Variants in CTNNA3 observed in about 807,000 individuals in gnomAD.
CTNNA3 encodes catenin alpha 3, also known as catenin alpha-3.
A neutral mutation model predicts 95.7 loss-of-function variants in CTNNA3; 76 were observed. That is an observed-to-expected ratio of 0.79 (90% CI 0.66 to 0.96). CTNNA3 has a LOEUF of 0.96. CTNNA3 is among the 40% of genes least tolerant of loss of function. CTNNA3 has a pLI of 0.00. For missense variants in CTNNA3, 1,191 were observed against 1,089.8 expected, an observed-to-expected ratio of 1.09 and a Z score of -1.31; for synonymous variants, 431 against 374.4, an observed-to-expected ratio of 1.15 and a Z score of -1.74.
chr10:66,262,974 G>A (rs1310567430), intron 13 of CTNNA3, among the ~76,000 whole-genome samples: 1 of 151,894 alleles, frequency 6.6e-6, no homozygotes, highest in African/African-American at 2.4e-5. Context: ...GACCGTGGGT[G>A]AATCTGTTTA....
At chr10:66,120,160 C>A (rs1442103509) in intron 13 of CTNNA3, among the ~76,000 whole-genome samples, 1 of 152,000 alleles carries the variant, frequency 6.6e-6, no homozygotes, top group Non-Finnish European at 1.5e-5. Flanking sequence ...TAAGTTGATA[C>A]CATGCACATT....
chr10:67,427,248 A>C (rs1365336843), intron 5 of CTNNA3, among the ~76,000 whole-genome samples: 1 of 151,822 alleles, frequency 6.6e-6, no homozygotes, highest in Non-Finnish European at 1.5e-5. Context: ...AACAGTCCTC[A>C]CTCCCAAGAG....
intron 7 of CTNNA3, among the ~76,000 whole-genome samples, chr10:67,020,884 A>G (rs947758489): frequency 4.6e-5 from 7 of 152,134 alleles, no homozygotes; most frequent in African/African-American, 1.4e-4. Context: ...AGAGGAAAAT[A>G]AGGGGCCTCA....
intron 3 of CTNNA3, among the ~76,000 whole-genome samples, chr10:67,582,045 G>A (rs1314674057): frequency 1.3e-5 from 2 of 150,724 alleles, no homozygotes; most frequent in Non-Finnish European, 3.0e-5. Flanking sequence ...AGGGTTTTTT[G>A]TGTCTCTATT....
chr10:66,560,496 C>T (rs1329213688), intron 10 of CTNNA3, among the ~76,000 whole-genome samples: 2 of 151,992 alleles, frequency 1.3e-5, no homozygotes, highest in African/African-American at 2.4e-5. Context: ...GGTGTTGCAA[C>T]ACAGGTATCA....
intron 5 of CTNNA3, among the ~76,000 whole-genome samples, chr10:67,256,299 A>C (rs181275018): frequency 1.3e-5 from 2 of 152,296 alleles, no homozygotes; most frequent in Admixed American, 1.3e-4. Flanking sequence ...TAGTGAAGCA[A>C]TGTCTTATTA....
intron 3 of CTNNA3, among the ~76,000 whole-genome samples, chr10:67,540,651 T>A (rs377088988): frequency 6.6e-6 from 1 of 152,098 alleles, no homozygotes; most frequent in African/African-American, 2.4e-5. Flanking sequence ...TATATTCATA[T>A]ACATTCATAT....
chr10:67,296,965 G>GTTCAGTGC (rs1840064332), intron 5 of CTNNA3, among the ~76,000 whole-genome samples: 1 of 106,866 alleles, frequency 9.4e-6, no homozygotes, highest in South Asian at 3.6e-4. Context: ...AAAAAAAAGA[G>GTTCAGTGC]TTCAGTGCTG....
chr10:67,120,883 G>A (rs1198665808), intron 7 of CTNNA3, among the ~76,000 whole-genome samples: 1 of 152,038 alleles, frequency 6.6e-6, no homozygotes, highest in Non-Finnish European at 1.5e-5. Flanking sequence ...AAGGTGAGTT[G>A]CAATATTGTA....
chr10:66,515,520 C>A (rs1426723921), intron 11 of CTNNA3, among the ~76,000 whole-genome samples: 2 of 152,052 alleles, frequency 1.3e-5, no homozygotes, highest in Non-Finnish European at 2.9e-5. Context: ...TCTCTGAATA[C>A]AAAACAACAT....
chr10:67,379,526 A>G (rs1367558055), intron 5 of CTNNA3, among the ~76,000 whole-genome samples: 4 of 152,086 alleles, frequency 2.6e-5, no homozygotes, highest in Admixed American at 2.0e-4. Flanking sequence ...TTTAGAAAGT[A>G]TCATGCGAAT....
intron 5 of CTNNA3, among the ~76,000 whole-genome samples, chr10:67,239,097 C>T (rs187415491): frequency 6.6e-6 from 1 of 152,252 alleles, no homozygotes; most frequent in South Asian, 2.1e-4. Context: ...CAAAATTAAA[C>T]TATAACTATC....
intron 7 of CTNNA3, among the ~76,000 whole-genome samples, chr10:67,086,559 G>A (rs993794277): frequency 6.6e-6 from 1 of 151,908 alleles, no homozygotes; most frequent in Non-Finnish European, 1.5e-5. Context: ...TTTAGATGAG[G>A]CATGTCAAAA....
chr10:66,573,695 TA>T (rs1387298448), intron 10 of CTNNA3, among the ~76,000 whole-genome samples: 3 of 152,164 alleles, frequency 2.0e-5, no homozygotes, highest in Non-Finnish European at 4.4e-5. Flanking sequence ...TGCTTTCAAT[TA>T]AAAGAAAACT....
chr10:67,275,519 C>T (rs552212802), intron 5 of CTNNA3, among the ~76,000 whole-genome samples: 15 of 151,382 alleles, frequency 9.9e-5, no homozygotes, highest in Middle Eastern at 3.5e-3. Flanking sequence ...ATGTGCTAAG[C>T]GTATAAAAAA....
intron 13 of CTNNA3, among the ~76,000 whole-genome samples, chr10:66,227,324 G>A (rs748051854): frequency 6.6e-6 from 1 of 150,918 alleles, no homozygotes; most frequent in Non-Finnish European, 1.5e-5. Flanking sequence ...TTTGTCATAT[G>A]TGGCCTTTAC....
chr10:65,984,894 CTG>C (rs774402486), intron 16 of CTNNA3, among the ~76,000 whole-genome samples: 39 of 151,016 alleles, frequency 2.6e-4, no homozygotes, highest in Non-Finnish European at 5.2e-4. Flanking sequence ...ATAAAGAAAA[CTG>C]TGGGCATATA....
intron 7 of CTNNA3, among the ~76,000 whole-genome samples, chr10:67,026,519 C>T (rs1285751005): frequency 6.6e-6 from 1 of 151,994 alleles, no homozygotes; most frequent in Non-Finnish European, 1.5e-5. Context: ...TTTAAATCTT[C>T]ATAAAGCTAA....
At chr10:66,556,270 G>A (rs2660024) in intron 10 of CTNNA3, among the ~76,000 whole-genome samples, 99,059 of 151,788 alleles carry the variant, frequency 0.65, 35,206 homozygotes, top group Non-Finnish European at 0.8. Context: ...AATGGGAATG[G>A]AAATCAGTAT....
Sources: allele counts gnomAD v4.1 joint callset (sites outside exome capture counted in the v4.1 genomes callset), GRCh38; gene constraint gnomAD v4.1.1; transcripts MANE v1.5; gene names NCBI Gene and HGNC (gene_info 2026-07-23, HGNC 2026-07-21).